POLQ: variants seen among roughly 807,000 people sequenced by gnomAD.
The protein encoded by POLQ is DNA polymerase theta.
In POLQ, 233 loss-of-function variants were observed where a neutral mutation model predicts 259.2. The observed-to-expected ratio is 0.90, with a 90% CI of 0.81 to 1.00. The LOEUF is 1.00. Among genes scored for constraint, POLQ ranks in the 50% least tolerant of loss-of-function variants. The probability of loss-of-function intolerance (pLI) is 0.00; values close to 1 mark genes in which losing one functional copy is unlikely to be tolerated. For missense variants in POLQ, 2,871 were observed against 3,051.6 expected (o/e 0.94, Z 1.39); for synonymous variants, 1,025 against 1,048.8 (o/e 0.98, Z 0.44).
At chr3:121,498,035 G>T (rs1295993540) in intron 13 of POLQ, among the ~76,000 whole-genome samples, 1 of 152,052 alleles carries the variant, frequency 6.6e-6, no homozygotes, top group African/African-American at 2.4e-5. Context: ...AACTTGTTGG[G>T]TGTGGTGGCT....
intron 28 of POLQ, among the ~76,000 whole-genome samples, chr3:121,434,190 T>C (rs894201755): frequency 6.6e-6 from 1 of 152,232 alleles, no homozygotes; most frequent in African/African-American, 2.4e-5. Flanking sequence ...ATGATGCTCT[T>C]GTTCCCCATA....
chr3:121,458,502 A>C (rs561697499), intron 25 of POLQ, among the ~76,000 whole-genome samples: 2 of 152,324 alleles, frequency 1.3e-5, no homozygotes, highest in African/African-American at 4.8e-5. Context: ...TAAGCAAATT[A>C]CTTTCTGTGC....
chr3:121,449,155 C>G (rs1394064934), intron 26 of POLQ, among the ~76,000 whole-genome samples, 160 bp downstream of exon 26: 1 of 152,138 alleles, frequency 6.6e-6, no homozygotes, highest in Non-Finnish European at 1.5e-5. Context: ...ATTATTACAT[C>G]TTAGTAAGTG....
rs976779110 is a variant in POLQ, at chr3:121,510,143, T to C, written c.1712A>G (p.Gln571Arg). 3.1e-6 allele frequency: 5 copies of C among 1,613,950 alleles called. No homozygotes were observed. The highest frequency in any genetic ancestry group is 1.3e-5 in the African/African-American group (1 of 74,944). Reference sequence around the variant, plus strand: ...AAGCTGAACAGACTCTTGATTTCTCTGAATTCCTTGCTTCCCTTCTTTCAT... The same window carrying C: ...AAGCTGAACAGACTCTTGATTTCTCCGAATTCCTTGCTTCCCTTCTTTCAT... ...ASMKEGKQGIQRNQESVQLGA... is the reference protein window; with the variant it reads ...ASMKEGKQGIRRNQESVQLGA... The change falls in exon 11 of 30, where the codon CAG becomes CGG. Residue 571 changes from glutamine (Q) to arginine (R), a missense_variant. By Grantham distance (43) the Gln-to-Arg change is conservative. This residue lies in a region of POLQ where 783 missense variants were observed against 906.2 expected (regional missense o/e 0.86). Coordinates refer to ENST00000264233, the MANE Select transcript of POLQ (RefSeq NM_199420.4).
intron 26 of POLQ, among the ~76,000 whole-genome samples, chr3:121,445,050 G>A (rs1055593814): frequency 9.2e-5 from 14 of 152,014 alleles, no homozygotes; most frequent in South Asian, 2.1e-4. Context: ...AATATTGGCC[G>A]GTAGGTAGGT....
In POLQ at chr3:121,457,190, C is replaced by G. The variant is rs1311163288; in HGVS notation, c.7152+2860G>C. Among the ~76,000 whole-genome samples, 557 of 152,014 alleles carry G rather than the reference C, an allele frequency of 3.7e-3. 5 individuals carry two copies. Among genetic ancestry groups the G allele is most frequent in the African/African-American group, 0.012 (499 of 41,424 alleles). ...AAAACTGGCTAGCCATATGTAGAAA[C>G]CTGAAACTGGATCCCTTCCTTACAC... On this transcript the variant is annotated intron_variant, in intron 25 of 29. Coordinates refer to ENST00000264233, the MANE Select transcript of POLQ (RefSeq NM_199420.4).
chr3:121,522,365 G>A (rs1343190131), intron 7 of POLQ, among the ~76,000 whole-genome samples: 1 of 76,034 alleles, frequency 1.3e-5, no homozygotes, highest in Non-Finnish European at 2.6e-5. Context: ...ACTGCGGACT[G>A]CAGTGGCGCA....
intron 21 of POLQ, among the ~76,000 whole-genome samples, 196 bp from the exon 22 acceptor site, chr3:121,472,360 A>T (rs1239870144): frequency 6.6e-6 from 1 of 152,234 alleles, no homozygotes; most frequent in Non-Finnish European, 1.5e-5. Context: ...AAATGTGGTA[A>T]TACTGAGCAG....
intron 15 of POLQ, among the ~76,000 whole-genome samples, chr3:121,491,536 G>A (rs1291130053): frequency 1.3e-5 from 2 of 152,076 alleles, no homozygotes; most frequent in Non-Finnish European, 2.9e-5. Flanking sequence ...CTTTTTACCT[G>A]AAGGCAGGGC....
chr3:121,444,096 G>A (rs2047614266), intron 26 of POLQ, among the ~76,000 whole-genome samples: 2 of 151,616 alleles, frequency 1.3e-5, no homozygotes, highest in Admixed American at 1.3e-4. Context: ...GTAAATTGTA[G>A]TACTTTTTTT....
intron 22 of POLQ, among the ~76,000 whole-genome samples, chr3:121,470,987 T>A (rs1485519926): frequency 6.6e-6 from 1 of 152,180 alleles, no homozygotes; most frequent in African/African-American, 2.4e-5. Flanking sequence ...AGGTTAAGTA[T>A]CTTGTCTAAA....
At chr3:121,463,441 G>A (rs2047809774) in intron 24 of POLQ, among the ~76,000 whole-genome samples, 1 of 152,040 alleles carries the variant, frequency 6.6e-6, no homozygotes, top group Admixed American at 6.6e-5. Context: ...GCATGACAAC[G>A]GACTAATACA....
At chr3:121,539,818 T>C (rs1321094042) in intron 3 of POLQ, among the ~76,000 whole-genome samples, 1 of 152,214 alleles carries the variant, frequency 6.6e-6, no homozygotes, top group Non-Finnish European at 1.5e-5. Flanking sequence ...GCCATTTTAA[T>C]GACAGCATAA....
chr3:121,447,684 C>T (rs2047642964), intron 26 of POLQ, among the ~76,000 whole-genome samples: 1 of 152,096 alleles, frequency 6.6e-6, no homozygotes, highest in Admixed American at 6.5e-5. Context: ...CATTAACATC[C>T]TTTTCTTTCT....
intron 25 of POLQ, among the ~76,000 whole-genome samples, chr3:121,458,838 G>C (rs891948991): frequency 6.6e-6 from 1 of 152,122 alleles, no homozygotes; most frequent in Non-Finnish European, 1.5e-5. Flanking sequence ...ATCACTTGAC[G>C]CCAGGAGTTG....
chr3:121,510,030 C>A lies in POLQ; in HGVS notation c.1816+9G>T, dbSNP rs755970889. 2.5e-6 allele frequency: 4 copies of A among 1,603,728 alleles called. No homozygotes were observed. In the South Asian group the frequency reaches 4.4e-5, roughly 18 times the overall value. ...AGTGAGTAAATTGCAACTGAGAAGTCACACTTACCTTCTGTTCCATCACTG... is the reference window on the plus strand; with the variant it reads ...AGTGAGTAAATTGCAACTGAGAAGTAACACTTACCTTCTGTTCCATCACTG... On this transcript the variant is annotated intron_variant, in intron 11 of 29. Coordinates refer to ENST00000264233, the MANE Select transcript of POLQ (RefSeq NM_199420.4).
chr3:121,499,700 C>T (rs1047842379), intron 12 of POLQ, among the ~76,000 whole-genome samples: 1 of 151,944 alleles, frequency 6.6e-6, no homozygotes, highest in African/African-American at 2.4e-5. Context: ...TGATATATTA[C>T]CCAAAATGTC....
chr3:121,500,822 A>T (rs2048161420), intron 12 of POLQ, among the ~76,000 whole-genome samples: 1 of 152,232 alleles, frequency 6.6e-6, no homozygotes, highest in Non-Finnish European at 1.5e-5. Flanking sequence ...ACAGCAAGAA[A>T]AAGTCATCCT....
chr3:121,473,938 G>A (rs1306314841), intron 20 of POLQ, among the ~76,000 whole-genome samples: 1 of 152,004 alleles, frequency 6.6e-6, no homozygotes, highest in African/African-American at 2.4e-5. Context: ...TGTTGGCCAG[G>A]GTGGTCTCAA....
Sources: gnomAD v4.1 joint callset for allele counts (sites outside exome capture counted in the v4.1 genomes callset) on GRCh38, gnomAD v4.1.1 for gene constraint, gnomAD v4.1.1 regional missense constraint, MANE v1.5 for transcripts, NCBI Gene and HGNC (gene_info 2026-07-23, HGNC 2026-07-21) for gene names.